The following PDXDC1 variants were observed in gnomAD, a reference collection of about 807,000 sequenced individuals.
PDXDC1 encodes the protein pyridoxal-dependent decarboxylase domain-containing protein 1.
A neutral mutation model predicts 100.1 loss-of-function variants in PDXDC1; 42 were observed. The observed-to-expected ratio is 0.42, with a 90% CI of 0.33 to 0.54. The LOEUF (loss-of-function observed/expected upper bound fraction) is 0.54, where lower values mean the gene tolerates loss of function less well. PDXDC1 is among the 20% of genes least tolerant of loss of function. The probability of loss-of-function intolerance (pLI) is 0.10; values close to 1 mark genes in which losing one functional copy is unlikely to be tolerated. For missense variants in PDXDC1, 636 were observed against 979.2 expected, an observed-to-expected ratio of 0.65 and a Z score of 4.68; for synonymous variants, 260 against 371.7, an observed-to-expected ratio of 0.70 and a Z score of 3.46.
At chr16:15,137,723 G>C (rs1300723727) in intron 16 of PDXDC1, 16 of 1,217,034 alleles carry the variant, frequency 1.3e-5, no homozygotes, top group East Asian at 7.6e-5. Context: ...GGCTGGGAAG[G>C]ACAGAGCTGG....
intron 19 of PDXDC1, among the ~76,000 whole-genome samples, chr16:15,033,820 C>T (rs1053992904): frequency 1.3e-5 from 2 of 152,164 alleles, no homozygotes; most frequent in African/African-American, 4.8e-5. Flanking sequence ...CAGGAATAGA[C>T]CTACTGCTGT....
intron 16 of PDXDC1, among the ~76,000 whole-genome samples, chr16:15,118,460 CT>C (rs2047309137): frequency 1.4e-5 from 1 of 70,370 alleles, no homozygotes; most frequent in Non-Finnish European, 2.6e-5. Flanking sequence ...TCCAGCCCTT[CT>C]AGCAGTCTCA....
chr16:15,032,871 G>A lies in PDXDC1; in HGVS notation c.1582G>A (p.Ala528Thr), dbSNP rs766601678. Reference sequence around the variant, plus strand: ...TTGATGTTGTTTTAGGTATGAACATGCTAATGATGATAAGAGCAGTTTGAA... The same window carrying A: ...TTGATGTTGTTTTAGGTATGAACATACTAATGATGATAAGAGCAGTTTGAA... The part of the protein sequence containing the change: ...SGIGVVRYEH[A>T]NDDKSSLKSD... Residue 528 changes from alanine to threonine, a missense_variant, in exon 18 of 23, where the codon GCT becomes ACT. By Grantham distance (58) the Ala-to-Thr change is moderately conservative. Around this residue, in one of 4 missense-constraint regions of PDXDC1, gnomAD observed 452 missense variants for 402.9 expected, o/e 1.12. Transcript: ENST00000396410. 5.7e-6 allele frequency: 9 copies of A among 1,577,618 alleles called. No individual in the cohort carries two copies. Among genetic ancestry groups the A allele is most frequent in the Non-Finnish European group, 7.8e-6 (9 of 1,146,818 alleles).
chr16:15,117,433 C>T (rs1460112573), intron 16 of PDXDC1, among the ~76,000 whole-genome samples: 12 of 147,910 alleles, frequency 8.1e-5, no homozygotes, highest in Admixed American at 2.0e-4. Flanking sequence ...CCGAGGCAGG[C>T]GGATCACGAG....
intron 16 of PDXDC1, among the ~76,000 whole-genome samples, chr16:15,080,979 C>A (rs1389104227): frequency 6.6e-6 from 1 of 151,840 alleles, no homozygotes. Flanking sequence ...ACATGTAAAC[C>A]ATTCCTTTCA....
At chr16:15,147,090 T>C in the PDXDC1 span, among the ~76,000 whole-genome samples, 1 of 114,738 alleles carries the variant, frequency 8.7e-6, no homozygotes, top group Non-Finnish European at 1.8e-5. Context: ...GAGGGAGAGG[T>C]GGGAGGGGCT....
At chr16:15,015,000 C>T (rs528628326) in intron 8 of PDXDC1, among the ~76,000 whole-genome samples, 5 of 152,406 alleles carry the variant, frequency 3.3e-5, no homozygotes, top group Admixed American at 6.5e-5. Flanking sequence ...TGCAGTGGCA[C>T]GATCTCGGCT....
intron 1 of PDXDC1, among the ~76,000 whole-genome samples, chr16:14,997,113 G>A (rs1232339921): frequency 3.3e-5 from 5 of 152,290 alleles, no homozygotes; most frequent in Non-Finnish European, 1.5e-5. Context: ...TAGGGTCCTT[G>A]GTTTTGGCCT....
chr16:15,141,465 C>T (rs1395364714), downstream of PDXDC1, among the ~76,000 whole-genome samples: 2 of 152,210 alleles, frequency 1.3e-5, no homozygotes, highest in Non-Finnish European at 2.9e-5. Context: ...GTTCCATCTG[C>T]GGATGGAGGG....
chr16:15,062,876 T>A (rs2044770015), intron 16 of PDXDC1, among the ~76,000 whole-genome samples: 1 of 152,234 alleles, frequency 6.6e-6, no homozygotes, highest in South Asian at 2.1e-4. Context: ...TGTGCTTTTT[T>A]AAAGAAAACA....
At chr16:15,000,866 A>G (rs1972988421) in intron 3 of PDXDC1, among the ~76,000 whole-genome samples, 1 of 150,360 alleles carries the variant, frequency 6.7e-6, no homozygotes, top group African/African-American at 2.4e-5. Context: ...ACTGTCTAGC[A>G]TTATACTATA....
chr16:15,140,307 G>C (rs555751198), downstream of PDXDC1, among the ~76,000 whole-genome samples: 1 of 150,560 alleles, frequency 6.6e-6, no homozygotes, highest in Non-Finnish European at 1.5e-5. Flanking sequence ...AGTTGGGCGT[G>C]GTGGCAAGCA....
At chr16:14,987,637 G>A (rs1455717718) in intron 1 of PDXDC1, among the ~76,000 whole-genome samples, 1 of 152,280 alleles carries the variant, frequency 6.6e-6, no homozygotes, top group African/African-American at 2.4e-5. Context: ...TTTTTGAGAT[G>A]GAATTTTGCT....
downstream of PDXDC1, among the ~76,000 whole-genome samples, chr16:15,143,543 T>C (rs2048507298): frequency 6.6e-6 from 1 of 152,164 alleles, no homozygotes; most frequent in African/African-American, 2.4e-5. Flanking sequence ...AGCCAGGCGC[T>C]GGCTCTCCTG....
At chr16:15,012,335 C>T (rs1168607341) in intron 8 of PDXDC1, among the ~76,000 whole-genome samples, 2 of 152,232 alleles carry the variant, frequency 1.3e-5, no homozygotes, top group African/African-American at 2.4e-5. Flanking sequence ...GAACTCCTGA[C>T]CTTAGGTGAT....
chr16:15,031,294 G>A (rs979875596), intron 16 of PDXDC1, among the ~76,000 whole-genome samples: 4 of 151,980 alleles, frequency 2.6e-5, no homozygotes, highest in Non-Finnish European at 5.9e-5. Context: ...GTAAGCCAGT[G>A]AGCCCTGAGG....
chr16:14,988,827 C>G, intron 1 of PDXDC1: 1 of 1,613,902 alleles, frequency 6.2e-7, no homozygotes, highest in African/African-American at 1.3e-5. Context: ...GCCTGGGGCA[C>G]CCACCTTCAC....
In PDXDC1 at chr16:15,017,133, A is replaced by C; in HGVS notation, c.826A>C (p.Thr276Pro). 2 of 1,614,054 alleles carry C rather than the reference A, an allele frequency of 1.2e-6. No individual in the cohort carries two copies. The highest frequency in any genetic ancestry group is 4.5e-5 in the East Asian group (2 of 44,876). Residue 276 changes from threonine to proline, a missense_variant, in exon 10 of 23, where the codon ACA (threonine) becomes CCA (proline). Thr to Pro is a conservative substitution (Grantham distance 38). Around this residue, in one of 4 missense-constraint regions of PDXDC1, gnomAD observed 125 missense variants for 479.9 expected, o/e 0.26. Coordinates refer to ENST00000396410, the MANE Select transcript of PDXDC1 (RefSeq NM_015027.4). ...WLHVEGVNLA[T>P]LALGYVSSSV... The stretch of plus-strand genomic sequence containing the variant: ...TTTTTCTTCCAGTGTGAATCTGGCA[A>C]CATTGGCTCTGGGTTATGTCTCCTC...
At chr16:15,129,128 CAAAA>C (rs925707787) in intron 16 of PDXDC1, among the ~76,000 whole-genome samples, 2 of 151,514 alleles carry the variant, frequency 1.3e-5, no homozygotes, top group Admixed American at 6.6e-5. Flanking sequence ...AGTAGGTAAT[CAAAA>C]GAAAGAACTG....
Sources: gnomAD v4.1 joint callset for allele counts (sites outside exome capture counted in the v4.1 genomes callset) on GRCh38, gnomAD v4.1.1 for gene constraint, gnomAD v4.1.1 regional missense constraint, MANE v1.5 for transcripts, NCBI Gene and HGNC (gene_info 2026-07-23, HGNC 2026-07-21) for gene names.